Variants in SNX18 observed in about 807,000 individuals in gnomAD.
The protein encoded by SNX18 is sorting nexin 18, also known as sorting nexin-18.
Under a neutral mutation model 48.7 loss-of-function variants are expected in SNX18, and 35 were observed. The observed-to-expected ratio is 0.72, with a 90% CI of 0.55 to 0.95. SNX18 has a LOEUF of 0.95. Ranked by LOEUF, SNX18 falls within the 40% of genes least tolerant of loss-of-function variation. SNX18 has a pLI of 0.00. For synonymous variants in SNX18, 492 were observed against 384.7 expected (o/e 1.28, Z -3.26); for missense variants, 824 against 871.0 (o/e 0.95, Z 0.68).
chr5:54,647,289 A>C, the SNX18 span, among the ~76,000 whole-genome samples: 1 of 152,234 alleles, frequency 6.6e-6, no homozygotes, highest in African/African-American at 2.4e-5. Context: ...ACTGGGCTAT[A>C]AATTCAAATC....
chr5:54,613,883 T>C, the SNX18 span, among the ~76,000 whole-genome samples: 1 of 152,116 alleles, frequency 6.6e-6, no homozygotes, highest in African/African-American at 2.4e-5. Context: ...TCAGTAGAGA[T>C]GGGGTTTCTC....
intron 1 of SNX18, among the ~76,000 whole-genome samples, chr5:54,535,580 G>T (rs1450511720): frequency 2.0e-5 from 3 of 152,126 alleles, no homozygotes; most frequent in Non-Finnish European, 2.9e-5. Context: ...CACTCAATCT[G>T]TGCCCACAAA....
chr5:54,519,202 C>T lies in SNX18; in HGVS notation c.1250C>T (p.Ala417Val). ...CTGACCCTTAGCACGCCCCCCGCCG[C>T]TGCCCTTGACCTGCAGGAGGTGGAG... ...FFLTLSTPPA[A>V]ALDLQEVESK... The change falls in exon 1 of 2, where the codon GCT becomes GTT. Residue 417 changes from alanine to valine, a missense_variant. Physicochemically the swap from Ala to Val is moderately conservative, Grantham distance 64 (BLOSUM62 0). This residue lies in a region of SNX18 where 443 missense variants were observed against 503.6 expected (regional missense o/e 0.88). Coordinates refer to ENST00000381410, the MANE Select transcript of SNX18 (RefSeq NM_001102575.2). 6.2e-7 allele frequency: 1 copy of T among 1,614,030 alleles called. No individual in the cohort carries two copies. Among genetic ancestry groups the T allele is most frequent in the Non-Finnish European group, 8.5e-7 (1 of 1,179,952 alleles).
the SNX18 span, among the ~76,000 whole-genome samples, chr5:54,601,281 C>A: frequency 6.6e-6 from 1 of 152,182 alleles, no homozygotes; most frequent in Admixed American, 6.5e-5. Context: ...CACTAGCATG[C>A]CACTGATTCT....
rs1450672879 is a variant in SNX18, at chr5:54,517,934, C to G, written c.-19C>G. 2 of 1,495,730 alleles carry G rather than the reference C, an allele frequency of 1.3e-6. No homozygotes were observed. The allele number at this position is 1,495,730 out of a possible 1,614,324, so 92.7% of individuals were successfully genotyped here. A position where few individuals can be genotyped will look rare whatever the true frequency, so the allele number is the denominator to read the frequency against. The stretch of plus-strand genomic sequence containing the variant: ...TCGGGACGCCGGGAGTCGGGACCGC[C>G]AGTCGGGGCGCCGGGACCATGGCGC... On this transcript the variant is annotated 5_prime_UTR_variant, in exon 1 of 2. Transcript: ENST00000381410.
At chr5:54,539,929 T>C (rs1180418273) in intron 1 of SNX18, among the ~76,000 whole-genome samples, 1 of 152,028 alleles carries the variant, frequency 6.6e-6, no homozygotes, top group Non-Finnish European at 1.5e-5. Flanking sequence ...TGGAGTGCAA[T>C]GGTGCGATTT....
chr5:54,635,266 A>C, the SNX18 span, among the ~76,000 whole-genome samples: 2 of 151,554 alleles, frequency 1.3e-5, no homozygotes, highest in South Asian at 2.1e-4. Flanking sequence ...TAATATTATA[A>C]TACTATATAT....
the SNX18 span, among the ~76,000 whole-genome samples, chr5:54,558,476 A>G: frequency 1.9e-4 from 29 of 152,178 alleles, no homozygotes; most frequent in African/African-American, 6.8e-4. Flanking sequence ...GAGGTAACTT[A>G]TTAAATTAGC....
rs775944821 is a variant in SNX18 at position 54,517,906 on chromosome 5, G to T, written c.-47G>T. The T allele has an allele frequency of 6.4e-5, 94 of 1,460,670 alleles. No individual in the cohort carries two copies. Among genetic ancestry groups the T allele is most frequent in the Non-Finnish European group, 8.3e-5 (92 of 1,113,576 alleles). 90.5% of individuals were successfully genotyped at this position (1,460,670 alleles called of 1,614,324 possible). A position where few individuals can be genotyped will look rare whatever the true frequency, so the allele number is the denominator to read the frequency against. On this transcript the variant is annotated 5_prime_UTR_variant, in exon 1 of 2. Coordinates refer to ENST00000381410, the MANE Select transcript of SNX18 (RefSeq NM_001102575.2). Reference sequence around the variant, plus strand: ...ACCGCGGGCCCCTCAGGTGGGCCTCGGCTCGGGACGCCGGGAGTCGGGACC... The same window carrying T: ...ACCGCGGGCCCCTCAGGTGGGCCTCTGCTCGGGACGCCGGGAGTCGGGACC...
intron 1 of SNX18, among the ~76,000 whole-genome samples, chr5:54,523,105 A>G (rs7726479): frequency 7.2e-5 from 11 of 152,064 alleles, no homozygotes; most frequent in Admixed American, 3.9e-4. Context: ...TAGCTCATCA[A>G]TCCCTGACTA....
chr5:54,576,460 C>T, the SNX18 span, among the ~76,000 whole-genome samples: 7 of 152,182 alleles, frequency 4.6e-5, no homozygotes, highest in African/African-American at 1.7e-4. Context: ...GAGTTTTATG[C>T]ATCTTAATCC....
At chr5:54,582,730 T>A in the SNX18 span, among the ~76,000 whole-genome samples, 4 of 152,148 alleles carry the variant, frequency 2.6e-5, no homozygotes, top group African/African-American at 9.7e-5. Flanking sequence ...AATTCAAGGC[T>A]GCAGTGAGCT....
At chr5:54,549,638 C>G (rs1762623521), downstream of SNX18, among the ~76,000 whole-genome samples, 1 of 152,196 alleles carries the variant, frequency 6.6e-6, no homozygotes, top group Non-Finnish European at 1.5e-5. Flanking sequence ...CTAGGAAGAT[C>G]TGAAAAAGAC....
At chr5:54,613,700 T>C in the SNX18 span, among the ~76,000 whole-genome samples, 2,132 of 152,320 alleles carry the variant, frequency 0.014, 53 homozygotes, top group African/African-American at 0.048. Flanking sequence ...CCTCTTTTTT[T>C]GTTGTTTGTT....
chr5:54,641,259 T>C, the SNX18 span, among the ~76,000 whole-genome samples: 19 of 152,286 alleles, frequency 1.2e-4, no homozygotes, highest in South Asian at 3.9e-3. Context: ...TTCAGTATTG[T>C]TGTCATATCC....
the SNX18 span, among the ~76,000 whole-genome samples, chr5:54,564,815 G>T: frequency 6.6e-6 from 1 of 152,166 alleles, no homozygotes; most frequent in African/African-American, 2.4e-5. Flanking sequence ...CCAAGTTTGC[G>T]CCACTGCTCT....
At chr5:54,634,263 T>C in the SNX18 span, among the ~76,000 whole-genome samples, 2 of 151,640 alleles carry the variant, frequency 1.3e-5, no homozygotes, top group Non-Finnish European at 1.5e-5. Context: ...GTGTAGAGAG[T>C]GGGGTGGAAG....
the SNX18 span, among the ~76,000 whole-genome samples, chr5:54,607,792 G>T: frequency 6.6e-6 from 1 of 152,074 alleles, no homozygotes; most frequent in African/African-American, 2.4e-5. Flanking sequence ...AAATTAACCG[G>T]GCGTGGTGGT....
intron 1 of SNX18, among the ~76,000 whole-genome samples, chr5:54,521,717 T>C (rs1297092465): frequency 6.6e-6 from 1 of 152,076 alleles, no homozygotes; most frequent in Non-Finnish European, 1.5e-5. Flanking sequence ...AAACAAAAAA[T>C]ATATAGCTTA....
Sources: gnomAD v4.1 joint callset for allele counts (sites outside exome capture counted in the v4.1 genomes callset) on GRCh38, gnomAD v4.1.1 for gene constraint, gnomAD v4.1.1 regional missense constraint, MANE v1.5 for transcripts, NCBI Gene and HGNC (gene_info 2026-07-23, HGNC 2026-07-21) for gene names.